ANK1: variants seen among roughly 807,000 people sequenced by gnomAD.
The protein encoded by ANK1 is ankyrin 1.
In ANK1, 51 loss-of-function variants were observed where a neutral mutation model predicts 210.4. The ratio of observed to expected loss-of-function variants is 0.24; its 90% CI spans 0.19 to 0.31. The LOEUF (loss-of-function observed/expected upper bound fraction) is 0.31, where lower values mean the gene tolerates loss of function less well. Ranked by LOEUF, ANK1 falls within the 10% of genes least tolerant of loss-of-function variation. The pLI is 1.00. For missense variants in ANK1, 2,051 were observed against 2,504.4 expected (o/e 0.82, Z 3.86); for synonymous variants, 967 against 1,025.9 (o/e 0.94, Z 1.10).
chr8:41,848,994 G>C (rs575167105), intron 1 of ANK1, among the ~76,000 whole-genome samples: 2 of 152,314 alleles, frequency 1.3e-5, no homozygotes, highest in African/African-American at 4.8e-5. Context: ...TGTCCACCTG[G>C]AGCATTATTG....
At chr8:41,875,581 T>C (rs534154414) in intron 1 of ANK1, among the ~76,000 whole-genome samples, 3 of 152,250 alleles carry the variant, frequency 2.0e-5, no homozygotes, top group Admixed American at 2.0e-4. Flanking sequence ...ATCTGTGCAG[T>C]ATTAAGTGGC....
chr8:41,864,612 A>G (rs754407555), intron 1 of ANK1, among the ~76,000 whole-genome samples: 73 of 152,322 alleles, frequency 4.8e-4, no homozygotes, highest in Admixed American at 1.9e-3. Context: ...TGCTTCTGCC[A>G]GTTACTGCAT....
chr8:41,894,802 A>G (rs1271877638), intron 1 of ANK1, among the ~76,000 whole-genome samples: 1 of 151,946 alleles, frequency 6.6e-6, no homozygotes, highest in Admixed American at 6.6e-5. Context: ...TGCCTGACTC[A>G]CAAGACGGGC....
In ANK1 at chr8:41,721,171, G is replaced by C. The variant is rs370610481; in HGVS notation, c.910-1313C>G. Among the ~76,000 whole-genome samples, 221 of 152,316 alleles carry C rather than the reference G, an allele frequency of 1.5e-3. 1 individual carries two copies. The highest frequency in any genetic ancestry group is 0.01 in the Middle Eastern group (3 of 294). ...AATAAGCTAAAATGAGGTCATTAGT[G>C]TGAGTTCTAATCTATGACTGGCGTC... is the stretch of plus-strand genomic sequence containing the variant. On this transcript the variant is annotated intron_variant, in intron 9 of 42. Transcript: ENST00000289734.
intron 40 of ANK1, among the ~76,000 whole-genome samples, chr8:41,662,256 C>CAA (rs11411870): frequency 1.2e-4 from 17 of 139,840 alleles, no homozygotes; most frequent in Middle Eastern, 3.6e-3. Context: ...CACTCTGTGT[C>CAA]AAAAAAAAAA....
At chr8:41,700,731 C>A (rs1822528490) in intron 22 of ANK1, among the ~76,000 whole-genome samples, 4 of 152,140 alleles carry the variant, frequency 2.6e-5, no homozygotes, top group African/African-American at 9.7e-5. Flanking sequence ...TAGAAGCATT[C>A]TGTAGTTCAT....
intron 1 of ANK1, among the ~76,000 whole-genome samples, chr8:41,785,366 C>CA (rs1172783058): frequency 1.3e-5 from 2 of 152,066 alleles, no homozygotes; most frequent in Non-Finnish European, 2.9e-5. Context: ...TCTCTAAAAG[C>CA]AATTAATTAG....
chr8:41,728,606 T>C (rs918119475), intron 3 of ANK1, among the ~76,000 whole-genome samples: 1 of 152,110 alleles, frequency 6.6e-6, no homozygotes, highest in Non-Finnish European at 1.5e-5. Flanking sequence ...GCTGGTGTGA[T>C]TGGAGTGGCG....
intron 37 of ANK1, among the ~76,000 whole-genome samples, chr8:41,675,554 T>C (rs1813850635): frequency 6.6e-6 from 1 of 152,246 alleles, no homozygotes; most frequent in South Asian, 2.1e-4. Flanking sequence ...GTCTTTTCCA[T>C]AGACTTTGCC....
intron 37 of ANK1, among the ~76,000 whole-genome samples, chr8:41,676,893 G>A (rs1814336458): frequency 6.6e-6 from 1 of 152,156 alleles, no homozygotes; most frequent in Non-Finnish European, 1.5e-5. Context: ...TAATTGAGAA[G>A]TATTTTCTCA....
At chr8:41,833,122 G>A (rs1245945554) in intron 1 of ANK1, among the ~76,000 whole-genome samples, 3 of 152,208 alleles carry the variant, frequency 2.0e-5, no homozygotes, top group Non-Finnish European at 4.4e-5. Flanking sequence ...ACCAGCCTGA[G>A]CACCTCTTTC....
intron 1 of ANK1, among the ~76,000 whole-genome samples, chr8:41,815,344 C>A (rs527377024): frequency 6.6e-6 from 1 of 152,182 alleles, no homozygotes; most frequent in Non-Finnish European, 1.5e-5. Context: ...ATTAAGACTA[C>A]AAAACACCCT....
chr8:41,868,348 T>A (rs1020099103), intron 1 of ANK1, among the ~76,000 whole-genome samples: 1 of 152,180 alleles, frequency 6.6e-6, no homozygotes, highest in Admixed American at 6.5e-5. Flanking sequence ...CCAATTATGA[T>A]ACCTTACATG....
chr8:41,719,757 G>T lies in ANK1; in HGVS notation c.1011C>A (p.Asp337Glu), dbSNP rs1161616656. Reference sequence around the variant, plus strand: ...CAGCCACGTGGAGTGGGGTCAGGTGGTCCAGGGTGATGTCGTCTATCTCTG... The same window carrying T: ...CAGCCACGTGGAGTGGGGTCAGGTGTTCCAGGGTGATGTCGTCTATCTCTG... ...YDAEIDDITL[D>E]HLTPLHVAAH... Residue 337 changes from aspartate to glutamate, a missense_variant, in exon 10 of 43, where the codon GAC (aspartate) becomes GAA (glutamate). This residue lies in a region of ANK1 where 1,413 missense variants were observed against 1,707.4 expected (regional missense o/e 0.83). Coordinates refer to ENST00000289734, the MANE Select transcript of ANK1 (RefSeq NM_000037.4). 5 of 1,614,216 alleles carry T rather than the reference G, an allele frequency of 3.1e-6. No homozygotes were observed. Among genetic ancestry groups the T allele is most frequent in the Non-Finnish European group, 4.2e-6 (5 of 1,180,028 alleles).
At chr8:41,803,060 A>AAAGGAAGGAAGGAAGGAAGG (rs66466616) in intron 1 of ANK1, among the ~76,000 whole-genome samples, 5 of 59,074 alleles carry the variant, frequency 8.5e-5, no homozygotes, top group Admixed American at 7.2e-4. Flanking sequence ...AGAAAGAGAG[A>AAAGGAAGGAAGGAAGGAAGG]AAGGAAGGAA....
rs1563571383 is a variant in ANK1 at position 41,724,427 on chromosome 8, CA to C, written c.711+28del. 12 of 1,534,748 alleles carry C rather than the reference CA, an allele frequency of 7.8e-6. 1 individual carries two copies. In the South Asian group the frequency reaches 1.4e-4, roughly 18 times the overall value. On this transcript the variant is annotated intron_variant, in intron 7 of 42. Transcript: ENST00000289734. ...CAACTGCCAGCCCCAAGCCCCCGGACAGTGAGGGCGCACGTGCCCCAGGGTT... is the reference window on the plus strand; with the variant it reads ...CAACTGCCAGCCCCAAGCCCCCGGACGTGAGGGCGCACGTGCCCCAGGGTT...
intron 1 of ANK1, among the ~76,000 whole-genome samples, chr8:41,859,539 G>A (rs1354646724): frequency 6.6e-6 from 1 of 152,114 alleles, no homozygotes; most frequent in Admixed American, 6.5e-5. Flanking sequence ...TAGAGATGGG[G>A]TTTTGCCATG....
At chr8:41,843,460 G>A (rs914453343) in intron 1 of ANK1, among the ~76,000 whole-genome samples, 2 of 144,508 alleles carry the variant, frequency 1.4e-5, no homozygotes, top group Non-Finnish European at 3.0e-5. Context: ...TTCTGAATGC[G>A]TGTTTAAAGG....
chr8:41,849,624 G>T (rs1421301370), intron 1 of ANK1, among the ~76,000 whole-genome samples: 1 of 152,170 alleles, frequency 6.6e-6, no homozygotes, highest in Non-Finnish European at 1.5e-5. Context: ...GCATGACAAT[G>T]ATCCCCTCGG....
Sources: allele counts gnomAD v4.1 joint callset (sites outside exome capture counted in the v4.1 genomes callset), GRCh38; gene constraint gnomAD v4.1.1; regional missense constraint gnomAD v4.1.1; transcripts MANE v1.5; gene names NCBI Gene and HGNC (gene_info 2026-07-23, HGNC 2026-07-21).